Variants in ME3 observed in about 807,000 individuals in gnomAD.
ME3 encodes malic enzyme 3, also known as NADP-dependent malic enzyme, mitochondrial.
In ME3, 48 loss-of-function variants were observed where a neutral mutation model predicts 68.9. That is an observed-to-expected ratio of 0.70 (90% CI 0.55 to 0.89). ME3 has a LOEUF of 0.89. Among genes scored for constraint, ME3 ranks in the 40% least tolerant of loss-of-function variants. ME3 has a pLI of 0.00. For synonymous variants in ME3, 320 were observed against 318.8 expected (o/e 1.00, Z -0.04); for missense variants, 675 against 797.4 (o/e 0.85, Z 1.85).
At chr11:86,504,288 G>T (rs868387688) in intron 5 of ME3, among the ~76,000 whole-genome samples, 2 of 151,566 alleles carry the variant, frequency 1.3e-5, no homozygotes, top group Non-Finnish European at 2.9e-5. Flanking sequence ...TAGAACCACA[G>T]CTCTGGGCTG....
At chr11:86,560,748 G>GTGTATGTGTGTATATATA (rs1243025217) in intron 2 of ME3, among the ~76,000 whole-genome samples, 6 of 62,528 alleles carry the variant, frequency 9.6e-5, no homozygotes, top group African/African-American at 3.6e-4. Flanking sequence ...GTGTGTGTGT[G>GTGTATGTGTGTATATATA]TATATATATA....
intron 2 of ME3, among the ~76,000 whole-genome samples, chr11:86,626,117 T>C (rs1943647834): frequency 6.6e-6 from 1 of 152,186 alleles, no homozygotes; most frequent in Non-Finnish European, 1.5e-5. Flanking sequence ...GTGCCAGTTA[T>C]TAAATTATTG....
intron 2 of ME3, among the ~76,000 whole-genome samples, chr11:86,643,265 C>T (rs1019423781): frequency 2.0e-5 from 3 of 152,174 alleles, no homozygotes; most frequent in African/African-American, 7.2e-5. Context: ...TGTTCATCTT[C>T]AGAGCTAAGG....
At chr11:86,553,969 G>A (rs1565944069) in intron 4 of ME3, among the ~76,000 whole-genome samples, 1 of 152,192 alleles carries the variant, frequency 6.6e-6, no homozygotes, top group Non-Finnish European at 1.5e-5. Flanking sequence ...AACTATGTGT[G>A]ACTTTGGGTA....
intron 4 of ME3, among the ~76,000 whole-genome samples, chr11:86,538,130 G>A (rs1468246887): frequency 6.6e-6 from 1 of 152,172 alleles, no homozygotes; most frequent in African/African-American, 2.4e-5. Context: ...CTTTAGGAAT[G>A]TGTTTGCTTT....
intron 2 of ME3, among the ~76,000 whole-genome samples, chr11:86,643,989 G>A (rs1168391927): frequency 6.6e-6 from 1 of 152,182 alleles, no homozygotes; most frequent in Admixed American, 6.5e-5. Flanking sequence ...CCAATCAGGA[G>A]CACTTTATAA....
chr11:86,475,963 C>T (rs1951063346), intron 7 of ME3, among the ~76,000 whole-genome samples: 1 of 151,596 alleles, frequency 6.6e-6, no homozygotes, highest in South Asian at 2.1e-4. Context: ...AGAATGTGAA[C>T]ACCCCTGTGA....
At chr11:86,630,833 A>G (rs1408846906) in intron 2 of ME3, among the ~76,000 whole-genome samples, 1 of 152,228 alleles carries the variant, frequency 6.6e-6, no homozygotes, top group East Asian at 1.9e-4. Context: ...TGCCACACAG[A>G]GTATGCAGGC....
chr11:86,447,280 T>C, intron 11 of ME3, 73 bp from the exon 12 acceptor site: 2 of 1,560,198 alleles, frequency 1.3e-6, no homozygotes, highest in Non-Finnish European at 1.7e-6. Flanking sequence ...CTGGTGGTGG[T>C]GGGGGAACTA....
chr11:86,642,211 A>G (rs1944713042), intron 2 of ME3, among the ~76,000 whole-genome samples: 1 of 152,220 alleles, frequency 6.6e-6, no homozygotes, highest in African/African-American at 2.4e-5. Context: ...CTGAACTACA[A>G]ATATTATTTC....
chr11:86,622,248 T>C (rs1291064371), intron 2 of ME3, among the ~76,000 whole-genome samples: 1 of 152,072 alleles, frequency 6.6e-6, no homozygotes, highest in Admixed American at 6.5e-5. Flanking sequence ...GGATAGGTTG[T>C]GCCAGAGCTA....
intron 2 of ME3, among the ~76,000 whole-genome samples, chr11:86,633,687 T>C (rs1938927): frequency 0.19 from 29,560 of 152,114 alleles, 3,351 homozygotes; most frequent in East Asian, 0.4. Context: ...TGCTGTTCTA[T>C]AGGCCAGAGG....
chr11:86,606,948 G>C (rs1376452413), intron 2 of ME3, among the ~76,000 whole-genome samples: 1 of 152,156 alleles, frequency 6.6e-6, no homozygotes, highest in East Asian at 1.9e-4. Context: ...GCCAAACTAG[G>C]CTTTTCCTGA....
intron 7 of ME3, among the ~76,000 whole-genome samples, chr11:86,472,751 T>C (rs1950851609): frequency 6.6e-6 from 1 of 152,216 alleles, no homozygotes; most frequent in Admixed American, 6.5e-5. Flanking sequence ...CAGCACACTA[T>C]AGGCACTGAG....
chr11:86,518,726 A>G (rs535513056), intron 4 of ME3, among the ~76,000 whole-genome samples: 4 of 152,310 alleles, frequency 2.6e-5, no homozygotes, highest in Admixed American at 2.6e-4. Flanking sequence ...ACAAATTCTA[A>G]TGTCGGGTGC....
At chr11:86,590,818 C>G (rs1959009385) in intron 2 of ME3, among the ~76,000 whole-genome samples, 3 of 152,184 alleles carry the variant, frequency 2.0e-5, no homozygotes, top group African/African-American at 7.2e-5. Context: ...CAAAGGACAT[C>G]AAGCAGGCAA....
chr11:86,535,961 A>T (rs1368795045), intron 4 of ME3, among the ~76,000 whole-genome samples: 1 of 152,220 alleles, frequency 6.6e-6, no homozygotes, highest in Non-Finnish European at 1.5e-5. Flanking sequence ...GTATAAAATG[A>T]TGAGCAAACA....
intron 5 of ME3, among the ~76,000 whole-genome samples, chr11:86,504,313 A>G (rs924785936): frequency 3.3e-5 from 5 of 149,658 alleles, no homozygotes; most frequent in African/African-American, 2.5e-5. Context: ...CCAACACTTA[A>G]TTGTGGGTAA....
intron 4 of ME3, among the ~76,000 whole-genome samples, chr11:86,553,075 C>T (rs895143129): frequency 2.0e-5 from 3 of 152,166 alleles, no homozygotes; most frequent in Non-Finnish European, 2.9e-5. Context: ...CTTCATGGGG[C>T]GTTCCCTCAA....
Sources: gnomAD v4.1 joint callset for allele counts (sites outside exome capture counted in the v4.1 genomes callset) on GRCh38, gnomAD v4.1.1 for gene constraint, MANE v1.5 for transcripts, NCBI Gene and HGNC (gene_info 2026-07-23, HGNC 2026-07-21) for gene names.